SLC13A3: variants seen among roughly 807,000 people sequenced by gnomAD.
SLC13A3 encodes the protein solute carrier family 13 member 3, also known as Na(+)/dicarboxylate cotransporter 3.
In SLC13A3, 40 loss-of-function variants were observed where a neutral mutation model predicts 59.0. That is an observed-to-expected ratio of 0.68 (90% CI 0.53 to 0.88). The LOEUF (loss-of-function observed/expected upper bound fraction) is 0.88. Among genes scored for constraint, SLC13A3 ranks in the 40% least tolerant of loss-of-function variants. The pLI, the probability that SLC13A3 is intolerant of heterozygous loss-of-function variation, is 0.00. For synonymous variants in SLC13A3, 317 were observed against 330.3 expected (o/e 0.96, Z 0.44); for missense variants, 699 against 783.2 (o/e 0.89, Z 1.28).
intron 10 of SLC13A3, among the ~76,000 whole-genome samples, chr20:46,569,623 T>G (rs903376168): frequency 2.6e-5 from 4 of 152,212 alleles, no homozygotes; most frequent in Non-Finnish European, 4.4e-5. Context: ...GGCTGGGCGC[T>G]TGGTTAGCGC....
intron 9 of SLC13A3, chr20:46,583,283 G>GT (rs139769361): frequency 0.017 from 12,301 of 731,960 alleles, 543 homozygotes; most frequent in African/African-American, 0.15. Context: ...TTTTCTTTTG[G>GT]TTTTTTTTTC....
intron 1 of SLC13A3, among the ~76,000 whole-genome samples, chr20:46,621,493 G>A (rs909653520): frequency 6.6e-6 from 1 of 152,178 alleles, no homozygotes; most frequent in African/African-American, 2.4e-5. Flanking sequence ...ATAACTTGAT[G>A]GAGCTTATGT....
At chr20:46,655,811 G>GTATATAATA (rs2062982121), upstream of SLC13A3, among the ~76,000 whole-genome samples, 1 of 140,104 alleles carries the variant, frequency 7.1e-6, no homozygotes, top group African/African-American at 2.6e-5. Context: ...ATATAATACT[G>GTATATAATA]TATATACTAT....
At chr20:46,619,323 G>A (rs2062591886) in intron 1 of SLC13A3, among the ~76,000 whole-genome samples, 1 of 152,164 alleles carries the variant, frequency 6.6e-6, no homozygotes, top group African/African-American at 2.4e-5. Context: ...GAGGTCCCAG[G>A]CATGATCTGA....
intron 12 of SLC13A3, 101 bp downstream of exon 12, chr20:46,563,313 G>A: frequency 7.4e-7 from 1 of 1,349,404 alleles, no homozygotes; most frequent in Non-Finnish European, 1.0e-6. Context: ...CAGAGACTGG[G>A]GAGTGGGGTC....
chr20:46,584,197 C>T (rs2062169100), intron 8 of SLC13A3: 3 of 985,252 alleles, frequency 3.0e-6, no homozygotes. Flanking sequence ...GTTTTGCGCA[C>T]ATTAAGCCCT....
intron 3 of SLC13A3, among the ~76,000 whole-genome samples, chr20:46,609,693 T>C (rs2062472883): frequency 6.6e-6 from 1 of 152,222 alleles, no homozygotes; most frequent in African/African-American, 2.4e-5. Context: ...TTTATAGAAG[T>C]ACATGGTTCA....
At chr20:46,590,501 T>C (rs533779187) in intron 6 of SLC13A3, among the ~76,000 whole-genome samples, 31 of 152,142 alleles carry the variant, frequency 2.0e-4, no homozygotes, top group South Asian at 8.3e-4. Context: ...GAAAAAAATG[T>C]ATAAAAATAT....
chr20:46,615,005 G>A (rs778415573), intron 1 of SLC13A3, among the ~76,000 whole-genome samples: 8 of 152,148 alleles, frequency 5.3e-5, no homozygotes, highest in Admixed American at 6.5e-5. Flanking sequence ...CTACATTGGT[G>A]TGCACATTTG....
Position 46,561,215 on chromosome 20 carries a change from G to A in SLC13A3, c.1633-1017C>T, listed in dbSNP as rs959625078. 5.3e-5 allele frequency among the ~76,000 whole-genome samples: 8 copies of A among 152,152 alleles called. No homozygotes were observed. In the East Asian group the frequency reaches 9.7e-4, roughly 18 times the overall value. On this transcript the variant is annotated intron_variant, in intron 12 of 12. Transcript: ENST00000279027. ...CCCCCTGCCCTCTTTGAGTTGTCCCGCCTTTCCGGACCAAACCAATGTTCA... is the reference window on the plus strand; with the variant it reads ...CCCCCTGCCCTCTTTGAGTTGTCCCACCTTTCCGGACCAAACCAATGTTCA...
At chr20:46,640,668 C>T (rs1242079733) in intron 1 of SLC13A3, among the ~76,000 whole-genome samples, 3 of 152,104 alleles carry the variant, frequency 2.0e-5, no homozygotes, top group African/African-American at 4.8e-5. Flanking sequence ...AATCACTTGC[C>T]GGGAAGTGGT....
chr20:46,681,493 G>A (rs962507161), intron 1 of SLC13A3, among the ~76,000 whole-genome samples: 15 of 148,076 alleles, frequency 1.0e-4, no homozygotes, highest in Non-Finnish European at 2.2e-4. Context: ...AGTGAAGGGA[G>A]GTTTACCTGT....
In SLC13A3 at chr20:46,683,484, G is replaced by A. The variant is rs187340064; in HGVS notation, c.-31+912C>T. On this transcript the variant is annotated intron_variant, in intron 1 of 6. Coordinates refer to the SLC13A3 transcript ENST00000372121. ...CCTGCATAATAAAAGACTGGGGTGG[G>A]GGTGCCGAGATTCATACCCTGTGCC... Among the ~76,000 whole-genome samples the A allele has an allele frequency of 1.5e-4, 23 of 152,224 alleles. No homozygotes were observed. In the East Asian group the frequency reaches 3.5e-3, roughly 23 times the overall value.
chr20:46,648,784 A>G (rs975385135), intron 1 of SLC13A3, among the ~76,000 whole-genome samples: 1 of 152,130 alleles, frequency 6.6e-6, no homozygotes, highest in Non-Finnish European at 1.5e-5. Context: ...AGGAGCTGAT[A>G]GTCCCAGCTA....
intron 1 of SLC13A3, among the ~76,000 whole-genome samples, chr20:46,630,415 A>T (rs531437743): frequency 4.1e-4 from 62 of 152,284 alleles, no homozygotes; most frequent in African/African-American, 1.5e-3. Flanking sequence ...CAGTATTAGG[A>T]AGTGTCAGAG....
chr20:46,651,174 G>A, intron 1 of SLC13A3, 137 bp downstream of exon 1: 1 of 1,336,970 alleles, frequency 7.5e-7, no homozygotes, highest in Non-Finnish European at 9.6e-7. Flanking sequence ...TCCGCGGCAG[G>A]TGCAAGGGAG....
chr20:46,671,050 T>C (rs947691746), upstream of SLC13A3, among the ~76,000 whole-genome samples: 5 of 152,204 alleles, frequency 3.3e-5, no homozygotes, highest in Admixed American at 2.0e-4. Context: ...GCTATGAATG[T>C]TGGAATGCAC....
At chr20:46,682,004 A>G (rs917926263) in intron 1 of SLC13A3, 6 of 152,232 alleles carry the variant, frequency 3.9e-5, no homozygotes, top group African/African-American at 1.4e-4. Flanking sequence ...TCAGTTTCCA[A>G]CACATGAAAT....
intron 1 of SLC13A3, chr20:46,684,296 C>T (rs1366996104): frequency 2.0e-5 from 3 of 152,208 alleles, no homozygotes; most frequent in Non-Finnish European, 4.4e-5. Flanking sequence ...CTCCAGTGCC[C>T]GGCGCATAGT....
Sources: gnomAD v4.1 joint callset for allele counts (sites outside exome capture counted in the v4.1 genomes callset) on GRCh38, gnomAD v4.1.1 for gene constraint, MANE v1.5 for transcripts, NCBI Gene and HGNC (gene_info 2026-07-23, HGNC 2026-07-21) for gene names.